TMEM132D: variants seen among roughly 807,000 people sequenced by gnomAD.
TMEM132D encodes transmembrane protein 132D, also known as mature OL transmembrane protein.
A neutral mutation model predicts 62.3 loss-of-function variants in TMEM132D; 21 were observed. The ratio of observed to expected loss-of-function variants is 0.34; its 90% CI spans 0.24 to 0.49. TMEM132D has a LOEUF of 0.49. Ranked by LOEUF, TMEM132D falls within the 20% of genes least tolerant of loss-of-function variation. The pLI is 0.99. For missense variants in TMEM132D, 1,346 were observed against 1,402.8 expected, an observed-to-expected ratio of 0.96 and a Z score of 0.65; for synonymous variants, 621 against 575.6, an observed-to-expected ratio of 1.08 and a Z score of -1.13.
At chr12:129,195,694 A>C (rs1185753538) in intron 5 of TMEM132D, among the ~76,000 whole-genome samples, 2 of 152,206 alleles carry the variant, frequency 1.3e-5, no homozygotes, top group Non-Finnish European at 2.9e-5. Flanking sequence ...GCATAATTGA[A>C]GTGACTCTAA....
At chr12:129,301,974 A>G (rs1363598008) in intron 4 of TMEM132D, among the ~76,000 whole-genome samples, 10 of 143,534 alleles carry the variant, frequency 7.0e-5, no homozygotes, top group African/African-American at 2.7e-4. Flanking sequence ...TCTTTTCTTT[A>G]AAAAAAAAAA....
intron 4 of TMEM132D, among the ~76,000 whole-genome samples, chr12:129,324,795 T>G (rs1326567532): frequency 6.6e-6 from 1 of 151,998 alleles, no homozygotes; most frequent in Non-Finnish European, 1.5e-5. Flanking sequence ...GCCACTGCAC[T>G]CCAGCCTGGG....
intron 2 of TMEM132D, among the ~76,000 whole-genome samples, chr12:129,634,386 A>C (rs2137169544): frequency 6.7e-6 from 1 of 149,732 alleles, no homozygotes; most frequent in African/African-American, 2.5e-5. Flanking sequence ...AGGCAGGAGG[A>C]TTGCTTGAAC....
At chr12:129,404,350 C>T (rs1871710629) in intron 3 of TMEM132D, among the ~76,000 whole-genome samples, 2 of 152,062 alleles carry the variant, frequency 1.3e-5, no homozygotes, top group Non-Finnish European at 2.9e-5. Context: ...AGGCACCCAC[C>T]ACCATTTGGC....
At chr12:129,835,842 G>A (rs1872988484) in intron 1 of TMEM132D, among the ~76,000 whole-genome samples, 1 of 152,096 alleles carries the variant, frequency 6.6e-6, no homozygotes, top group Non-Finnish European at 1.5e-5. Context: ...CTTCATTGCT[G>A]GAGCACCTCA....
intron 2 of TMEM132D, among the ~76,000 whole-genome samples, chr12:129,572,138 G>A (rs1297825305): frequency 2.0e-5 from 3 of 152,334 alleles, no homozygotes; most frequent in Admixed American, 6.5e-5. Flanking sequence ...TCCCGACAGC[G>A]CACAGTGGAA....
At chr12:129,478,471 C>G (rs1874334178) in intron 3 of TMEM132D, among the ~76,000 whole-genome samples, 1 of 152,162 alleles carries the variant, frequency 6.6e-6, no homozygotes, top group Non-Finnish European at 1.5e-5. Context: ...TGCATGACTA[C>G]ATATGTAGAC....
chr12:129,255,142 C>T (rs549605223), intron 4 of TMEM132D, among the ~76,000 whole-genome samples: 14 of 152,290 alleles, frequency 9.2e-5, no homozygotes, highest in Non-Finnish European at 1.6e-4. Flanking sequence ...CCTTCCACCG[C>T]GACTGCATGA....
At chr12:129,375,355 G>A (rs992833474) in intron 3 of TMEM132D, among the ~76,000 whole-genome samples, 10 of 152,258 alleles carry the variant, frequency 6.6e-5, no homozygotes, top group East Asian at 5.8e-4. Flanking sequence ...GACAAAATTC[G>A]TGTTTAGAAC....
intron 5 of TMEM132D, among the ~76,000 whole-genome samples, chr12:129,154,552 C>A (rs1229024187): frequency 6.6e-6 from 1 of 152,104 alleles, no homozygotes; most frequent in Non-Finnish European, 1.5e-5. Context: ...GAGTACAAAT[C>A]ATAAATTTGT....
intron 1 of TMEM132D, among the ~76,000 whole-genome samples, chr12:129,790,566 T>C (rs1287907585): frequency 2.0e-5 from 3 of 152,152 alleles, no homozygotes; most frequent in Non-Finnish European, 4.4e-5. Context: ...GTCCAGCTGC[T>C]TCTCCTCTTC....
chr12:129,687,776 T>C (rs1339859836), intron 2 of TMEM132D, among the ~76,000 whole-genome samples: 1 of 152,114 alleles, frequency 6.6e-6, no homozygotes, highest in Non-Finnish European at 1.5e-5. Flanking sequence ...CTGCATCTTC[T>C]TCCCAGCCTT....
At chr12:129,289,877 A>G (rs1457801913) in intron 4 of TMEM132D, among the ~76,000 whole-genome samples, 1 of 152,208 alleles carries the variant, frequency 6.6e-6, no homozygotes. Context: ...AGACAAGGCC[A>G]TAGAAAACTA....
chr12:129,873,519 A>C (rs1236257105), intron 1 of TMEM132D, among the ~76,000 whole-genome samples: 1 of 152,238 alleles, frequency 6.6e-6, no homozygotes, highest in African/African-American at 2.4e-5. Context: ...CAGAATTTTT[A>C]AAATCCCAGT....
intron 5 of TMEM132D, among the ~76,000 whole-genome samples, chr12:129,198,799 C>T (rs1198684272): frequency 2.6e-5 from 4 of 152,020 alleles, no homozygotes; most frequent in Admixed American, 6.6e-5. Context: ...GTCCTCACTA[C>T]AAAAAATAAG....
chr12:129,306,036 G>T (rs1881839126), intron 4 of TMEM132D, among the ~76,000 whole-genome samples: 1 of 152,168 alleles, frequency 6.6e-6, no homozygotes, highest in Non-Finnish European at 1.5e-5. Flanking sequence ...CCAGCCAGCT[G>T]TCAGGGAACG....
At position 129,214,466 on chromosome 12, in the gene TMEM132D, C is replaced by T. The variant is rs187960050; in HGVS notation, c.1300-4803G>A. The stretch of plus-strand genomic sequence containing the variant: ...TTAAGAGATTGATCTCTGTGTTAGA[C>T]AGTTTGTTGCCCATTCAATGTCTGT... On this transcript the variant is annotated intron_variant, in intron 4 of 8. Coordinates refer to ENST00000422113, the MANE Select transcript of TMEM132D (RefSeq NM_133448.3). Among the ~76,000 whole-genome samples, 7 of 152,254 alleles carry T rather than the reference C, an allele frequency of 4.6e-5. No homozygotes were observed. The East Asian group carries it at 1.4e-3, about 29-fold the overall frequency.
intron 1 of TMEM132D, among the ~76,000 whole-genome samples, chr12:129,897,985 T>C (rs1487153497): frequency 6.6e-6 from 1 of 152,238 alleles, no homozygotes; most frequent in Non-Finnish European, 1.5e-5. Context: ...CTGTCTTTTA[T>C]GTTGCTATGA....
chr12:129,538,335 C>A (rs1876464769), intron 2 of TMEM132D, among the ~76,000 whole-genome samples: 1 of 152,196 alleles, frequency 6.6e-6, no homozygotes, highest in African/African-American at 2.4e-5. Flanking sequence ...CCGAGGGCTG[C>A]CATATGGCCA....
Sources: allele counts gnomAD v4.1 joint callset (sites outside exome capture counted in the v4.1 genomes callset), GRCh38; gene constraint gnomAD v4.1.1; transcripts MANE v1.5; gene names NCBI Gene and HGNC (gene_info 2026-07-23, HGNC 2026-07-21).